RAPGEF6: variants seen among roughly 807,000 people sequenced by gnomAD.
RAPGEF6 encodes PDZ domain containing guanine nucleotide exchange factor (GEF) 2.
Under a neutral mutation model 171.4 loss-of-function variants are expected in RAPGEF6, and 56 were observed. The observed-to-expected ratio is 0.33, with a 90% CI of 0.26 to 0.41. The LOEUF is 0.41. RAPGEF6 is among the 10% of genes least tolerant of loss of function. The pLI is 1.00. For missense variants in RAPGEF6, 1,674 were observed against 1,921.4 expected, an observed-to-expected ratio of 0.87 and a Z score of 2.41; for synonymous variants, 692 against 650.1, an observed-to-expected ratio of 1.06 and a Z score of -0.98.
Position 131,464,269 on chromosome 5 carries a change from T to A in RAPGEF6, c.2252A>T (p.Gln751Leu). The change falls in exon 18 of 28, where the codon CAA (glutamine) becomes CTA (leucine). Residue 751 changes from glutamine to leucine, a missense_variant. Coordinates refer to ENST00000509018, the MANE Select transcript of RAPGEF6 (RefSeq NM_016340.6). ...ATCCACTTTGAAAACTCTTATAACT[T>A]GATCAGGGATATCTACATAAATAGA... is the stretch of plus-strand genomic sequence containing the variant. ...DFSNPSDIPD[Q>L]VIRVFKVDQQ... is the part of the protein sequence containing the mutation. The A allele has an allele frequency of 1.9e-6, 3 of 1,610,056 alleles. No homozygotes were observed. Among genetic ancestry groups the A allele is most frequent in the Non-Finnish European group, 2.5e-6 (3 of 1,176,864 alleles).
intron 1 of RAPGEF6, among the ~76,000 whole-genome samples, chr5:131,616,749 G>A (rs1486600219): frequency 6.6e-6 from 1 of 151,586 alleles, no homozygotes; most frequent in African/African-American, 2.4e-5. Context: ...CCTCCCTCCT[G>A]AGACTCTCGA....
chr5:131,604,598 C>T, intron 2 of RAPGEF6, 25 bp downstream of exon 2: 1 of 1,606,316 alleles, frequency 6.2e-7, no homozygotes, highest in Non-Finnish European at 8.5e-7. Context: ...ACAGCGTGTG[C>T]TCTTAAATAC....
In RAPGEF6 at chr5:131,521,410, T is replaced by G; in HGVS notation, c.607A>C (p.Ser203Arg). ...ATTACCTGATAGATATCAGATAAAC[T>G]GCTGCTTCCAGAGTCACTGGCAATG... ...CSIASDSGSS[S>R]LSDIYQATES... Residue 203 changes from serine to arginine, a missense_variant, in exon 7 of 28, where the codon AGT (serine) becomes CGT (arginine). Physicochemically the swap from Ser to Arg is moderately radical, Grantham distance 110. Coordinates refer to ENST00000509018, the MANE Select transcript of RAPGEF6 (RefSeq NM_016340.6). 6.2e-7 allele frequency: 1 copy of G among 1,610,150 alleles called. No individual in the cohort carries two copies. The highest frequency in any genetic ancestry group is 1.3e-5 in the African/African-American group (1 of 74,854).
intron 8 of RAPGEF6, 30 bp downstream of exon 8, chr5:131,510,284 A>AT (rs1561523098): frequency 6.4e-7 from 1 of 1,570,760 alleles, no homozygotes; most frequent in South Asian, 1.2e-5. Context: ...TAAGTTACAA[A>AT]TTCTTATTGT....
chr5:131,601,618 A>G (rs1044126937), intron 3 of RAPGEF6, among the ~76,000 whole-genome samples: 2 of 152,232 alleles, frequency 1.3e-5, no homozygotes, highest in African/African-American at 2.4e-5. Context: ...GAACTAACAT[A>G]ATGTAATCAG....
At chr5:131,539,387 T>C (rs912196495) in intron 6 of RAPGEF6, among the ~76,000 whole-genome samples, 11 of 152,212 alleles carry the variant, frequency 7.2e-5, no homozygotes, top group African/African-American at 2.2e-4. Context: ...CTCCTAATGA[T>C]TGATCCAACA....
chr5:131,552,378 T>C lies in RAPGEF6; in HGVS notation c.352-4188A>G, dbSNP rs185052662. Among the ~76,000 whole-genome samples the C allele has an allele frequency of 2.7e-4, 41 of 152,018 alleles. 1 individual carries two copies. Among genetic ancestry groups the C allele is most frequent in the Admixed American group, 2.6e-3 (40 of 15,274 alleles). The stretch of plus-strand genomic sequence containing the variant: ...GTTTGAATTCACAATACCTCAAGCA[T>C]GCAAGTAAACTAAAAGAGATTCAGC... On this transcript the variant is annotated intron_variant, in intron 5 of 27. Coordinates refer to ENST00000509018, the MANE Select transcript of RAPGEF6 (RefSeq NM_016340.6).
intron 17 of RAPGEF6, among the ~76,000 whole-genome samples, chr5:131,468,047 G>A (rs916832491): frequency 2.1e-4 from 32 of 150,948 alleles, no homozygotes; most frequent in Admixed American, 6.6e-5. Flanking sequence ...AAATCTTGGG[G>A]TCGGGCGCAG....
Position 131,593,862 on chromosome 5 carries a change from C to T in RAPGEF6, c.198-1396G>A, listed in dbSNP as rs117821108. 8.4e-3 allele frequency among the ~76,000 whole-genome samples: 1,273 copies of T among 152,240 alleles called. 107 individuals are homozygous for T. In the East Asian group the frequency reaches 0.2, roughly 23 times the overall value. On this transcript the variant is annotated intron_variant, in intron 3 of 27. Coordinates refer to ENST00000509018, the MANE Select transcript of RAPGEF6 (RefSeq NM_016340.6). Reference sequence around the variant, plus strand: ...TCATATGCATGAACAAAGAGATTATCTGAAACTGGAACTTATATTTTAAAG... The same window carrying T: ...TCATATGCATGAACAAAGAGATTATTTGAAACTGGAACTTATATTTTAAAG...
At chr5:131,435,140 G>C (rs1429346936) in intron 24 of RAPGEF6, among the ~76,000 whole-genome samples, 1 of 152,162 alleles carries the variant, frequency 6.6e-6, no homozygotes, top group African/African-American at 2.4e-5. Context: ...GGAATAATTT[G>C]TTGCACAGTA....
intron 19 of RAPGEF6, among the ~76,000 whole-genome samples, chr5:131,459,353 T>C (rs1434875065): frequency 2.0e-5 from 3 of 152,206 alleles, no homozygotes; most frequent in East Asian, 3.8e-4. Context: ...AGAGCTCTCA[T>C]TGTATTAGCT....
chr5:131,427,706 G>A (rs1159025151), intron 27 of RAPGEF6, among the ~76,000 whole-genome samples: 1 of 152,078 alleles, frequency 6.6e-6, no homozygotes, highest in Non-Finnish European at 1.5e-5. Context: ...AATGTTAAAA[G>A]TATCCCATTA....
chr5:131,445,493 CTGTG>C (rs11269268), intron 22 of RAPGEF6, among the ~76,000 whole-genome samples: 33 of 147,330 alleles, frequency 2.2e-4, no homozygotes, highest in African/African-American at 5.8e-4. Context: ...AACTCACTCT[CTGTG>C]TGTGTGTGTG....
At chr5:131,623,477 CTTTTT>C (rs763921579) in intron 1 of RAPGEF6, among the ~76,000 whole-genome samples, 1 of 114,184 alleles carries the variant, frequency 8.8e-6, no homozygotes, top group African/African-American at 3.4e-5. Flanking sequence ...TTTCACATTG[CTTTTT>C]TTTTTTTTTT....
intron 6 of RAPGEF6, among the ~76,000 whole-genome samples, chr5:131,539,108 G>A (rs1319497490): frequency 6.6e-6 from 1 of 152,160 alleles, no homozygotes; most frequent in Non-Finnish European, 1.5e-5. Flanking sequence ...TAGAGGTGGG[G>A]ATCCAAACTT....
chr5:131,611,130 A>G (rs1012661804), intron 1 of RAPGEF6, among the ~76,000 whole-genome samples: 3 of 151,930 alleles, frequency 2.0e-5, no homozygotes, highest in Admixed American at 6.6e-5. Context: ...TTCCACTCAA[A>G]CTTCCTTTCG....
chr5:131,554,469 T>C (rs1376577679), intron 5 of RAPGEF6, among the ~76,000 whole-genome samples: 1 of 152,216 alleles, frequency 6.6e-6, no homozygotes, highest in South Asian at 2.1e-4. Flanking sequence ...ATCTGGATAC[T>C]AGCATTAAAT....
At chr5:131,496,275 GAA>G (rs555403029) in intron 12 of RAPGEF6, among the ~76,000 whole-genome samples, 8 of 152,136 alleles carry the variant, frequency 5.3e-5, no homozygotes, top group Non-Finnish European at 1.0e-4. Context: ...CTTTGCTTCA[GAA>G]AAGTTAAAAA....
chr5:131,599,624 G>A (rs1034376397), intron 3 of RAPGEF6, among the ~76,000 whole-genome samples: 1 of 152,052 alleles, frequency 6.6e-6, no homozygotes, highest in African/African-American at 2.4e-5. Flanking sequence ...ATGTCCATAG[G>A]GATACCTAAT....
Sources: gnomAD v4.1 joint callset for allele counts (sites outside exome capture counted in the v4.1 genomes callset) on GRCh38, gnomAD v4.1.1 for gene constraint, MANE v1.5 for transcripts, NCBI Gene and HGNC (gene_info 2026-07-23, HGNC 2026-07-21) for gene names.